COX7B2: variants seen among roughly 807,000 people sequenced by gnomAD.
COX7B2 encodes cytochrome c oxidase subunit 7B2, mitochondrial.
For synonymous variants in COX7B2, 37 were observed against 32.1 expected (o/e 1.15, Z -0.51); for missense variants, 109 against 95.9 (o/e 1.14, Z -0.57).
intron 2 of COX7B2, among the ~76,000 whole-genome samples, chr4:46,770,630 G>A (rs1244311195): frequency 1.3e-5 from 2 of 150,390 alleles, no homozygotes; most frequent in Admixed American, 6.7e-5. Flanking sequence ...CAGATATATA[G>A]ACCACCCACT....
At chr4:46,880,888 A>T (rs1718677566) in intron 1 of COX7B2, among the ~76,000 whole-genome samples, 1 of 148,928 alleles carries the variant, frequency 6.7e-6, no homozygotes, top group Non-Finnish European at 1.5e-5. Flanking sequence ...GATATACCTA[A>T]TGCTAGATGA....
At chr4:46,885,166 G>A (rs540899262) in intron 1 of COX7B2, among the ~76,000 whole-genome samples, 2 of 151,874 alleles carry the variant, frequency 1.3e-5, no homozygotes, top group South Asian at 2.1e-4. Flanking sequence ...TTGACTTGTG[G>A]CCGTTTCCCA....
intron 2 of COX7B2, among the ~76,000 whole-genome samples, chr4:46,836,885 A>G (rs1715549756): frequency 6.6e-6 from 1 of 152,002 alleles, no homozygotes; most frequent in African/African-American, 2.4e-5. Flanking sequence ...TCCACTATAA[A>G]CTCATGCGAT....
chr4:46,781,165 G>T (rs1717427426), intron 2 of COX7B2, among the ~76,000 whole-genome samples: 1 of 152,032 alleles, frequency 6.6e-6, no homozygotes, highest in Non-Finnish European at 1.5e-5. Flanking sequence ...AGGAGAGAGG[G>T]GGCACAAAAG....
chr4:46,818,616 G>A (rs1474829871), intron 2 of COX7B2, among the ~76,000 whole-genome samples: 4 of 150,070 alleles, frequency 2.7e-5, no homozygotes, highest in Admixed American at 6.6e-5. Context: ...CAGCCTGGGC[G>A]ACTGAGCGAG....
At chr4:46,842,394 A>G (rs948063494) in intron 2 of COX7B2, among the ~76,000 whole-genome samples, 20 of 151,832 alleles carry the variant, frequency 1.3e-4, no homozygotes, top group Non-Finnish European at 2.4e-4. Context: ...TTGTGAGCTC[A>G]CTTTTTTTAT....
At chr4:46,842,843 A>G (rs1255934900) in intron 2 of COX7B2, among the ~76,000 whole-genome samples, 5 of 152,088 alleles carry the variant, frequency 3.3e-5, no homozygotes, top group Non-Finnish European at 7.4e-5. Context: ...GCTATTGTGA[A>G]TAGTGCTGCT....
chr4:46,743,870 A>G (rs1169026309), intron 2 of COX7B2, among the ~76,000 whole-genome samples: 2 of 152,184 alleles, frequency 1.3e-5, no homozygotes, highest in Non-Finnish European at 2.9e-5. Flanking sequence ...CACTGTACTC[A>G]TTTCCAAAGG....
intron 2 of COX7B2, among the ~76,000 whole-genome samples, chr4:46,762,040 C>T (rs1462495014): frequency 1.3e-5 from 2 of 150,700 alleles, no homozygotes; most frequent in African/African-American, 2.4e-5. Flanking sequence ...AATTATGTGA[C>T]CTTGAGCAGG....
chr4:46,756,903 A>G (rs1715834492), intron 2 of COX7B2, among the ~76,000 whole-genome samples: 1 of 152,106 alleles, frequency 6.6e-6, no homozygotes, highest in Admixed American at 6.6e-5. Flanking sequence ...TAAAAATAGA[A>G]CTACCATTCA....
intron 1 of COX7B2, among the ~76,000 whole-genome samples, chr4:46,864,551 C>A (rs1170066936): frequency 6.6e-6 from 1 of 152,054 alleles, no homozygotes; most frequent in East Asian, 1.9e-4. Flanking sequence ...TCATTGCGTT[C>A]TTGGTCAATG....
chr4:46,799,401 A>G (rs1718533512), intron 2 of COX7B2, among the ~76,000 whole-genome samples: 1 of 152,044 alleles, frequency 6.6e-6, no homozygotes, highest in Non-Finnish European at 1.5e-5. Flanking sequence ...AACTATATTG[A>G]ATTCAAGCAG....
chr4:46,880,983 T>TA (rs370558427), intron 1 of COX7B2, among the ~76,000 whole-genome samples: 13,723 of 111,122 alleles, frequency 0.12, 852 homozygotes, highest in South Asian at 0.26. Context: ...CCCTAAAACT[T>TA]AGAGTATAAT....
chr4:46,778,636 T>C (rs1717285254), intron 2 of COX7B2, among the ~76,000 whole-genome samples: 1 of 152,178 alleles, frequency 6.6e-6, no homozygotes, highest in Non-Finnish European at 1.5e-5. Flanking sequence ...AGATGAAGCA[T>C]ATAGAATCAG....
chr4:46,792,066 G>T (rs1200071688), intron 2 of COX7B2, among the ~76,000 whole-genome samples: 1 of 152,202 alleles, frequency 6.6e-6, no homozygotes, highest in Non-Finnish European at 1.5e-5. Context: ...CCAGAAGTAG[G>T]TGTCAGCATT....
chr4:46,890,697 G>A (rs1209696153), intron 1 of COX7B2, among the ~76,000 whole-genome samples: 2 of 152,200 alleles, frequency 1.3e-5, no homozygotes, highest in African/African-American at 4.8e-5. Context: ...TCTGGACAGA[G>A]GGACTAGAAA....
At chr4:46,908,029 T>C (rs963652950) in intron 1 of COX7B2, among the ~76,000 whole-genome samples, 17 of 151,874 alleles carry the variant, frequency 1.1e-4, no homozygotes, top group African/African-American at 4.1e-4. Context: ...AATTTTTGTA[T>C]TTTTAGTAGA....
chr4:46,834,064 GA>G (rs1277744343), intron 2 of COX7B2, among the ~76,000 whole-genome samples: 6 of 152,064 alleles, frequency 3.9e-5, no homozygotes, highest in Non-Finnish European at 7.4e-5. Context: ...AACAAAATCT[GA>G]AAAGATTTAT....
chr4:46,811,964 T>G (rs1399398523), intron 2 of COX7B2, among the ~76,000 whole-genome samples: 2 of 152,178 alleles, frequency 1.3e-5, no homozygotes, highest in African/African-American at 4.8e-5. Context: ...CATAGGTTAT[T>G]AGGGCAAAGG....
Sources: gnomAD v4.1 joint callset for allele counts (sites outside exome capture counted in the v4.1 genomes callset) on GRCh38, gnomAD v4.1.1 for gene constraint, MANE v1.5 for transcripts, NCBI Gene and HGNC (gene_info 2026-07-23, HGNC 2026-07-21) for gene names.